PRMT7: variants seen among roughly 807,000 people sequenced by gnomAD.
PRMT7 encodes protein arginine N-methyltransferase 7.
Under a neutral mutation model 85.4 loss-of-function variants are expected in PRMT7, and 75 were observed. The observed-to-expected ratio is 0.88, with a 90% CI of 0.73 to 1.06. The LOEUF (loss-of-function observed/expected upper bound fraction) is 1.06, where lower values mean the gene tolerates loss of function less well. PRMT7 is among the 50% of genes least tolerant of loss of function. The pLI, the probability that PRMT7 is intolerant of heterozygous loss-of-function variation, is 0.00. For missense variants in PRMT7, 868 were observed against 915.2 expected (o/e 0.95, Z 0.67); for synonymous variants, 397 against 359.5 (o/e 1.10, Z -1.18).
intron 2 of PRMT7, among the ~76,000 whole-genome samples, chr16:68,313,080 C>G (rs2044163133): frequency 6.6e-6 from 1 of 152,206 alleles, no homozygotes; most frequent in African/African-American, 2.4e-5. Flanking sequence ...CTGCTTTGGT[C>G]TCCCAAAGTG....
chr16:68,347,603 A>G (rs1242994486), intron 12 of PRMT7, 28 bp from the exon 13 acceptor site: 1 of 1,605,258 alleles, frequency 6.2e-7, no homozygotes, highest in East Asian at 2.2e-5. Flanking sequence ...TGAATATCTT[A>G]CAACTAATAG....
At chr16:68,322,552 A>G (rs2082623826) in intron 4 of PRMT7, 1 of 231,802 alleles carries the variant, frequency 4.3e-6, no homozygotes, top group Admixed American at 5.0e-5. Flanking sequence ...GGTTATGAAC[A>G]TAGGTGTGAT....
intron 10 of PRMT7, 34 bp downstream of exon 10, chr16:68,345,836 C>G (rs751953213): frequency 1.2e-6 from 2 of 1,611,656 alleles, no homozygotes; most frequent in African/African-American, 2.7e-5. Flanking sequence ...GAGGATGAGC[C>G]TCTGAGACTT....
rs546934377 is a variant in PRMT7 at position 68,313,100 on chromosome 16, T to C, written c.-84+924T>C. On this transcript the variant is annotated intron_variant, in intron 2 of 18. Transcript: ENST00000441236. ...TTGGTCTCCCAAAGTGCTGGGATTATAGGCGTGAGTCACCGTGCCTGGGCT... is the reference window on the plus strand; with the variant it reads ...TTGGTCTCCCAAAGTGCTGGGATTACAGGCGTGAGTCACCGTGCCTGGGCT... Among the ~76,000 whole-genome samples, 5 of 152,296 alleles carry C rather than the reference T, an allele frequency of 3.3e-5. No homozygotes were observed. The East Asian group carries it at 7.7e-4, about 24-fold the overall frequency.
intron 6 of PRMT7, among the ~76,000 whole-genome samples, chr16:68,329,934 C>T (rs1350543172): frequency 6.6e-6 from 1 of 152,076 alleles, no homozygotes; most frequent in African/African-American, 2.4e-5. Context: ...CACTGTGTCA[C>T]CCAGGCTGCA....
chr16:68,343,097 A>G (rs2085785822), intron 9 of PRMT7, among the ~76,000 whole-genome samples: 1 of 152,102 alleles, frequency 6.6e-6, no homozygotes, highest in Admixed American at 6.5e-5. Flanking sequence ...AATCCCAGCT[A>G]CAGGGCTGAG....
chr16:68,339,257 A>C, intron 7 of PRMT7, 65 bp from the exon 8 acceptor site: 1 of 1,596,744 alleles, frequency 6.3e-7, no homozygotes, highest in South Asian at 1.1e-5. Context: ...TCTTTTGATC[A>C]ATGGGAATTA....
At chr16:68,322,288 T>G (rs1180679719) in intron 4 of PRMT7, 3 of 336,090 alleles carry the variant, frequency 8.9e-6, no homozygotes, top group African/African-American at 4.4e-5. Flanking sequence ...CAGCCTAGAC[T>G]TCTTGGGCTT....
At position 68,358,421 on chromosome 16, in the gene PRMT7, A is replaced by G. The variant is rs1489023783; in HGVS notation, c.*1197A>G. On this transcript the variant is annotated 3_prime_UTR_variant, in exon 19 of 19. Transcript: ENST00000441236. ...ACCTCTCTTCGCAAAATATTTTATC[A>G]GGTGTAAAGACTTGTTTTTCTTCTA... The G allele has an allele frequency of 6.5e-6, 1 of 152,698 alleles. No homozygotes were observed. The highest frequency in any genetic ancestry group is 2.4e-5 in the African/African-American group (1 of 41,474). 9.5% of individuals were successfully genotyped at this position (152,698 alleles called of 1,614,324 possible).
chr16:68,329,559 C>G (rs960104309), intron 6 of PRMT7: 1 of 161,036 alleles, frequency 6.2e-6, no homozygotes, highest in African/African-American at 2.4e-5. Context: ...GCAGAAAGTA[C>G]TTAGTTCTTT....
intron 14 of PRMT7, among the ~76,000 whole-genome samples, chr16:68,349,089 C>T (rs777309066): frequency 2.6e-5 from 4 of 152,138 alleles, no homozygotes; most frequent in Admixed American, 6.5e-5. Flanking sequence ...GTCAGGCTTC[C>T]GGGCCCTGAA....
At chr16:68,325,058 C>A (rs2082944509) in intron 5 of PRMT7, among the ~76,000 whole-genome samples, 1 of 152,248 alleles carries the variant, frequency 6.6e-6, no homozygotes, top group Non-Finnish European at 1.5e-5. Flanking sequence ...TCACTAGGAG[C>A]TTTAGAAAAT....
In PRMT7 at chr16:68,345,742, C is replaced by T. The variant is rs771712882; in HGVS notation, c.995C>T (p.Ala332Val). The T allele has an allele frequency of 2.1e-5, 34 of 1,613,960 alleles. No homozygotes were observed. Among genetic ancestry groups the T allele is most frequent in the South Asian group, 5.5e-5 (5 of 91,088 alleles). The change falls in exon 10 of 19, where the codon GCG (alanine) becomes GTG (valine). Residue 332 changes from alanine (A) to valine (V), a missense_variant. Transcript: ENST00000441236. ...PQEEPVVQGS[A>V]LYLVAHHDDY... ...GAGGAGCCTGTGGTGCAGGGCTCAG[C>T]GCTCTATCTGGTAGCCCACCACGAT...
At chr16:68,345,390 A>G (rs1352116201) in intron 9 of PRMT7, among the ~76,000 whole-genome samples, 2 of 152,228 alleles carry the variant, frequency 1.3e-5, no homozygotes, top group East Asian at 3.8e-4. Flanking sequence ...TGCTACTCTG[A>G]TGGGGTGGGG....
At chr16:68,321,518 A>C in intron 4 of PRMT7, 56 bp downstream of exon 4, 1 of 1,501,142 alleles carries the variant, frequency 6.7e-7, no homozygotes, top group Non-Finnish European at 9.2e-7. Context: ...GTCTTGGATT[A>C]CAAGAAGGTT....
chr16:68,324,837 G>A lies in PRMT7; in HGVS notation c.282+5G>A. ...GACTTCTGCTATGCCATCGAGGTAA[G>A]CCATTCCCTTCAGGTGTGTGTCCTG... On this transcript the variant is annotated splice_donor_5th_base_variant and intron_variant, in intron 5 of 18. Coordinates refer to ENST00000441236, the MANE Select transcript of PRMT7 (RefSeq NM_019023.5). 6.2e-7 allele frequency: 1 copy of A among 1,613,786 alleles called. No homozygotes were observed. Among genetic ancestry groups the A allele is most frequent in the Non-Finnish European group, 8.5e-7 (1 of 1,180,010 alleles).
intron 16 of PRMT7, 22 bp from the exon 17 acceptor site, chr16:68,355,701 C>T: frequency 6.5e-7 from 1 of 1,537,652 alleles, no homozygotes; most frequent in Non-Finnish European, 8.8e-7. Context: ...TCTGCAGCCC[C>T]CAGGCCCCCT....
At chr16:68,356,820 A>G in intron 18 of PRMT7, 23 bp downstream of exon 18, 3 of 1,589,398 alleles carry the variant, frequency 1.9e-6, no homozygotes, top group Non-Finnish European at 2.6e-6. Flanking sequence ...CACCGGGCCC[A>G]GTGTGCGTGC....
chr16:68,346,262 C>T lies in PRMT7; in HGVS notation c.1173C>T (p.Tyr391=). ...ATGACCAGGACAGAACTGATCGATA[C>T]GTCCAGGCTCTGAGGACCGTAAGTG... The part of the protein sequence containing the change: ...EINDQDRTDR[Y]VQALRTVLKP... The change falls in exon 11 of 19, where the codon TAC becomes TAT. Residue 391 remains tyrosine (Y), a synonymous_variant. Transcript: ENST00000441236. The T allele has an allele frequency of 8.1e-6, 13 of 1,614,226 alleles. No individual in the cohort carries two copies. Among genetic ancestry groups the T allele is most frequent in the East Asian group, 2.2e-5 (1 of 44,890 alleles).
Sources: allele counts gnomAD v4.1 joint callset (sites outside exome capture counted in the v4.1 genomes callset), GRCh38; gene constraint gnomAD v4.1.1; transcripts MANE v1.5; gene names NCBI Gene and HGNC (gene_info 2026-07-23, HGNC 2026-07-21).